The following C4orf36 variants were observed in gnomAD, a reference collection of about 807,000 sequenced individuals.
The protein encoded by C4orf36 is chromosome 4 open reading frame 36.
In C4orf36, 11 loss-of-function variants were observed where a neutral mutation model predicts 12.2. That is an observed-to-expected ratio of 0.90 (90% CI 0.57 to 1.49). The LOEUF is 1.49. Among genes scored for constraint, C4orf36 ranks in the 40% most tolerant of loss-of-function variants. C4orf36 has a pLI of 0.00. For missense variants in C4orf36, 137 were observed against 133.9 expected (o/e 1.02, Z -0.11); for synonymous variants, 54 against 51.3 (o/e 1.05, Z -0.22).
upstream of C4orf36, among the ~76,000 whole-genome samples, chr4:86,894,500 T>C (rs1747548845): frequency 6.6e-6 from 1 of 152,102 alleles, no homozygotes; most frequent in Admixed American, 6.6e-5. Flanking sequence ...AGAAGGGAAG[T>C]TCCTCATGGT....
upstream of C4orf36, chr4:86,892,459 G>A: frequency 1.0e-6 from 1 of 985,338 alleles, no homozygotes. Context: ...TCAACAAAGG[G>A]CTTTGTGGGG....
chr4:86,892,068 C>G lies in C4orf36; in HGVS notation c.-74+115G>C, dbSNP rs1043333736. On this transcript the variant is annotated intron_variant, in intron 1 of 4. Transcript: ENST00000295898. ...ATTCGGGGCGAGTCCCCTACCCTTC[C>G]CCGGACGGACGCGCAGGGCCCGGGA... The G allele has an allele frequency of 5.1e-6, 5 of 985,762 alleles. No homozygotes were observed. The South Asian group carries it at 2.3e-4, about 46-fold the overall frequency. The allele number at this position is 985,762 out of a possible 1,614,324, so 61.1% of individuals were successfully genotyped here. A position where few individuals can be genotyped will look rare whatever the true frequency, so the allele number is the denominator to read the frequency against.
At chr4:86,887,506 T>G in intron 4 of C4orf36, 1 of 362,538 alleles carries the variant, frequency 2.8e-6, no homozygotes, top group East Asian at 4.1e-5. Context: ...TTAAAATGAA[T>G]AGCACAAACG....
At chr4:86,914,390 C>CT in the C4orf36 span, 1 of 557,368 alleles carries the variant, frequency 1.8e-6, no homozygotes, top group Non-Finnish European at 3.0e-6. Context: ...TCTTCTTCTT[C>CT]CTTTTTTTTT....
chr4:86,931,252 C>T, the C4orf36 span, among the ~76,000 whole-genome samples: 6 of 152,096 alleles, frequency 3.9e-5, no homozygotes, highest in African/African-American at 1.2e-4. Context: ...GATTTCTGTT[C>T]TTTTTTGGGA....
intron 4 of C4orf36, among the ~76,000 whole-genome samples, chr4:86,882,573 C>T (rs962376705): frequency 1.3e-5 from 2 of 152,194 alleles, no homozygotes; most frequent in African/African-American, 4.8e-5. Flanking sequence ...ACCACTACAA[C>T]TCTGATTGAG....
At chr4:86,921,595 CTG>C in the C4orf36 span, among the ~76,000 whole-genome samples, 4 of 152,082 alleles carry the variant, frequency 2.6e-5, no homozygotes, top group Non-Finnish European at 5.9e-5. Flanking sequence ...ATTTAGTAAA[CTG>C]TGACTGAATT....
the C4orf36 span, among the ~76,000 whole-genome samples, chr4:86,931,918 C>A: frequency 6.6e-6 from 1 of 151,914 alleles, no homozygotes; most frequent in African/African-American, 2.4e-5. Context: ...GCCTGTAGTC[C>A]CAGCTACTCA....
At chr4:86,904,640 T>C in the C4orf36 span, among the ~76,000 whole-genome samples, 64,183 of 147,834 alleles carry the variant, frequency 0.43, 16,159 homozygotes, top group South Asian at 0.69. Context: ...ACACCTGTAG[T>C]CCCGCCTACT....
the C4orf36 span, among the ~76,000 whole-genome samples, chr4:86,901,253 A>C: frequency 2.0e-5 from 3 of 152,016 alleles, no homozygotes; most frequent in Admixed American, 2.0e-4. Context: ...AAGTGCTGGG[A>C]ATACAGGCAT....
intron 2 of C4orf36, chr4:86,890,196 AG>A (rs1560473800): frequency 2.1e-4 from 26 of 126,040 alleles, no homozygotes; most frequent in South Asian, 7.5e-4. Context: ...GGAGGGAGGG[AG>A]GGAGGGAGGG....
the C4orf36 span, chr4:86,914,391 C>CTTTTTT: frequency 1.4e-4 from 46 of 327,798 alleles, no homozygotes; most frequent in Admixed American, 3.6e-4. Context: ...CTTCTTCTTC[C>CTTTTTT]TTTTTTTTTT....
chr4:86,888,217 T>C lies in C4orf36; in HGVS notation c.124A>G (p.Ile42Val), dbSNP rs1432772897. 1 of 1,614,188 alleles carries C rather than the reference T, an allele frequency of 6.2e-7. No homozygotes were observed. The highest frequency in any genetic ancestry group is 1.1e-5 in the South Asian group (1 of 91,086). The change falls in exon 3 of 5, where the codon ATC (isoleucine) becomes GTC (valine). Residue 42 changes from isoleucine (I) to valine (V), a missense_variant. Ile to Val is a conservative substitution (Grantham distance 29). Coordinates refer to ENST00000295898, the MANE Select transcript of C4orf36 (RefSeq NM_144645.4). ...ATTTCTTCCAAGAAAGGCAACTTGA[T>C]ATTGGCTAGGTTTGTGGACCAGGTC... The part of the protein sequence containing the change: ...AKTWSTNLAN[I>V]KLPFLEEISF...
At chr4:86,914,668 T>C in the C4orf36 span, 3 of 346,318 alleles carry the variant, frequency 8.7e-6, no homozygotes, top group Non-Finnish European at 1.7e-5. Flanking sequence ...CTCAAAGTGC[T>C]GGAATTATAG....
the C4orf36 span, among the ~76,000 whole-genome samples, chr4:86,907,217 A>T: frequency 6.6e-6 from 1 of 152,184 alleles, no homozygotes; most frequent in African/African-American, 2.4e-5. Context: ...TTTCCTAGAC[A>T]TCCTGAATTT....
At chr4:86,908,957 T>C in the C4orf36 span, among the ~76,000 whole-genome samples, 3 of 152,028 alleles carry the variant, frequency 2.0e-5, no homozygotes, top group African/African-American at 7.2e-5. Context: ...TGGGAGGAAG[T>C]GCTTGTACTT....
chr4:86,892,279 T>A lies in C4orf36; in HGVS notation c.-170A>T, dbSNP rs71605691. The A allele has an allele frequency of 0.081, 79,801 of 985,714 alleles. 3,418 individuals carry two copies. Among genetic ancestry groups the A allele is most frequent in the Non-Finnish European group, 0.088 (72,830 of 830,208 alleles). The allele number at this position is 985,714 out of a possible 1,614,324, so 61.1% of individuals were successfully genotyped here. ...CGCGAGCCGGCGCCGGCGGCCTGGT[T>A]ACCCGGGCTCCAGGGGCTCGGAGGG... On this transcript the variant is annotated 5_prime_UTR_variant, in exon 1 of 5. Transcript: ENST00000295898.
intron 2 of C4orf36, among the ~76,000 whole-genome samples, chr4:86,889,469 G>A (rs1455908040): frequency 6.6e-6 from 1 of 152,100 alleles, no homozygotes; most frequent in African/African-American, 2.4e-5. Flanking sequence ...GGAAAGATAA[G>A]CAATAAAACA....
chr4:86,879,876 G>T (rs1451133177), intron 4 of C4orf36, among the ~76,000 whole-genome samples: 2 of 146,622 alleles, frequency 1.4e-5, no homozygotes, highest in African/African-American at 2.5e-5. Context: ...TTTGAGATAG[G>T]ATCTTGCTCT....
Sources: gnomAD v4.1 joint callset for allele counts (sites outside exome capture counted in the v4.1 genomes callset) on GRCh38, gnomAD v4.1.1 for gene constraint, MANE v1.5 for transcripts, NCBI Gene and HGNC (gene_info 2026-07-23, HGNC 2026-07-21) for gene names.